RABGAP1: variants seen among roughly 807,000 people sequenced by gnomAD.
The protein encoded by RABGAP1 is rab GTPase-activating protein 1.
A neutral mutation model predicts 137.6 loss-of-function variants in RABGAP1; 23 were observed. The ratio of observed to expected loss-of-function variants is 0.17; its 90% CI spans 0.12 to 0.24. The LOEUF (loss-of-function observed/expected upper bound fraction) is 0.24. Ranked by LOEUF, RABGAP1 falls within the 10% of genes least tolerant of loss-of-function variation. The pLI is 1.00. For synonymous variants in RABGAP1, 451 were observed against 450.7 expected, an observed-to-expected ratio of 1.00 and a Z score of -0.01; for missense variants, 906 against 1,275.8, an observed-to-expected ratio of 0.71 and a Z score of 4.42.
Position 123,103,079 on chromosome 9 carries a change from T to C in RABGAP1, c.3088-12T>C, listed in dbSNP as rs1338667354. ...AAGCCCAGCATCCTCATGCACACTG[T>C]TCCTCTTGCAGGACTTGGAACACCA... On this transcript the variant is annotated splice_polypyrimidine_tract_variant and intron_variant, in intron 25 of 25. Transcript: ENST00000373647. 1 of 1,612,984 alleles carries C rather than the reference T, an allele frequency of 6.2e-7. No homozygotes were observed. Among genetic ancestry groups the C allele is most frequent in the Non-Finnish European group, 8.5e-7 (1 of 1,179,498 alleles).
intron 10 of RABGAP1, among the ~76,000 whole-genome samples, chr9:123,010,050 TTGGATAC>T (rs2030658976): frequency 6.6e-6 from 1 of 152,226 alleles, no homozygotes; most frequent in African/African-American, 2.4e-5. Flanking sequence ...ACATTGGTAG[TTGGATAC>T]TTGACAATAT....
intron 10 of RABGAP1, among the ~76,000 whole-genome samples, chr9:123,000,028 T>C (rs1405035560): frequency 2.7e-4 from 41 of 152,152 alleles, no homozygotes; most frequent in Non-Finnish European, 2.8e-4. Context: ...TAATCTCTGT[T>C]GTCTCTTGAT....
chr9:122,999,912 T>C (rs760105149), intron 10 of RABGAP1, among the ~76,000 whole-genome samples: 1 of 152,020 alleles, frequency 6.6e-6, no homozygotes, highest in Non-Finnish European at 1.5e-5. Context: ...AATATGTCTT[T>C]AAGTTCACTG....
At chr9:122,980,225 G>A (rs187947069) in intron 2 of RABGAP1, among the ~76,000 whole-genome samples, 111 of 152,302 alleles carry the variant, frequency 7.3e-4, no homozygotes, top group African/African-American at 2.5e-3. Flanking sequence ...TACAGAAAAT[G>A]TTTCTTAACT....
chr9:122,968,457 A>G (rs1835292109), intron 2 of RABGAP1, among the ~76,000 whole-genome samples: 1 of 152,102 alleles, frequency 6.6e-6, no homozygotes. Context: ...TCGTGGCCTC[A>G]AGTAATCTGC....
At chr9:122,950,465 C>T (rs147863172) in intron 1 of RABGAP1, among the ~76,000 whole-genome samples, 226 of 140,786 alleles carry the variant, frequency 1.6e-3, no homozygotes, top group Middle Eastern at 8.1e-3. Context: ...TCTGCTGACG[C>T]GTGGGGATTA....
the RABGAP1 span, among the ~76,000 whole-genome samples, chr9:122,935,413 C>T: frequency 1.3e-5 from 2 of 152,144 alleles, no homozygotes; most frequent in African/African-American, 4.8e-5. Flanking sequence ...TCTCAGCTCA[C>T]TGCAACCTCT....
chr9:122,936,786 T>A (rs1833393850), upstream of RABGAP1, among the ~76,000 whole-genome samples: 1 of 152,054 alleles, frequency 6.6e-6, no homozygotes, highest in Admixed American at 6.5e-5. Flanking sequence ...CATTTATGAG[T>A]CAGATATTGA....
At chr9:122,977,078 G>C (rs965743199) in intron 2 of RABGAP1, among the ~76,000 whole-genome samples, 1 of 152,208 alleles carries the variant, frequency 6.6e-6, no homozygotes, top group Non-Finnish European at 1.5e-5. Flanking sequence ...ATGAATTTGG[G>C]CTTTATCTTG....
chr9:123,001,119 A>G (rs1236086678), intron 10 of RABGAP1, among the ~76,000 whole-genome samples: 4 of 152,136 alleles, frequency 2.6e-5, no homozygotes, highest in Non-Finnish European at 5.9e-5. Context: ...AAGTGCTGGG[A>G]TTACAGGTGG....
In RABGAP1 at chr9:123,088,971, T is replaced by C. The variant is rs1271182920; in HGVS notation, c.2425-787T>C. Among the ~76,000 whole-genome samples, 4 of 151,928 alleles carry C rather than the reference T, an allele frequency of 2.6e-5. No homozygotes were observed. The East Asian group carries it at 7.7e-4, about 29-fold the overall frequency. ...CCTTCAAGAGGGTTCTTTCATAGAG[T>C]AGTCAGAGCAGAGGCCTGACTTACA... On this transcript the variant is annotated intron_variant, in intron 19 of 25. Transcript: ENST00000373647.
At chr9:123,005,513 T>C (rs2030165733) in intron 10 of RABGAP1, among the ~76,000 whole-genome samples, 1 of 152,248 alleles carries the variant, frequency 6.6e-6, no homozygotes, top group Admixed American at 6.5e-5. Flanking sequence ...GCATACTCCA[T>C]ATGTCTTATC....
chr9:122,969,334 G>T (rs1835347685), intron 2 of RABGAP1, among the ~76,000 whole-genome samples: 1 of 152,198 alleles, frequency 6.6e-6, no homozygotes, highest in African/African-American at 2.4e-5. Flanking sequence ...CTGCCCAACA[G>T]GCATTTCTCA....
intron 2 of RABGAP1, among the ~76,000 whole-genome samples, chr9:122,967,489 C>T (rs1835223527): frequency 1.3e-5 from 2 of 152,068 alleles, no homozygotes; most frequent in South Asian, 4.1e-4. Flanking sequence ...AAAAGAGTCT[C>T]CTGTGCGTAA....
chr9:122,959,417 C>G (rs1588170035), intron 2 of RABGAP1, among the ~76,000 whole-genome samples: 1 of 146,514 alleles, frequency 6.8e-6, no homozygotes, highest in Non-Finnish European at 1.5e-5. Flanking sequence ...TGAATGGGAT[C>G]ATGATCTAAT....
rs372639191 is a variant in RABGAP1, at chr9:123,023,771, G to GTA, written c.1794+3323_1794+3324dup. 3.0e-3 allele frequency among the ~76,000 whole-genome samples: 453 copies of GTA among 151,710 alleles called. 1 individual carries two copies. Among genetic ancestry groups the GTA allele is most frequent in the African/African-American group, 9.3e-3 (385 of 41,400 alleles). On this transcript the variant is annotated intron_variant, in intron 13 of 25. Transcript: ENST00000373647. ...TTATACTTATTTAGACAATATTTGT[G>GTA]TATATATATATACACACCACTAATT... is the stretch of plus-strand genomic sequence containing the variant.
At chr9:123,034,986 G>C (rs774833273) in intron 13 of RABGAP1, 1 of 1,613,702 alleles carries the variant, frequency 6.2e-7, no homozygotes. Flanking sequence ...ATAATACTCT[G>C]GTTACACCCT....
At position 123,026,089 on chromosome 9, in the gene RABGAP1, C is replaced by T. The variant is rs550463042; in HGVS notation, c.1794+5630C>T. On this transcript the variant is annotated intron_variant, in intron 13 of 25. Coordinates refer to ENST00000373647, the MANE Select transcript of RABGAP1 (RefSeq NM_012197.4). ...CTGTAATCCCAGCACTTTCGAAGAC[C>T]GAGGCTGGTGGATTACCTGAGGTCA... Among the ~76,000 whole-genome samples, 24 of 150,858 alleles carry T rather than the reference C, an allele frequency of 1.6e-4. No individual in the cohort carries two copies. The South Asian group carries it at 3.6e-3, about 22-fold the overall frequency.
intron 21 of RABGAP1, among the ~76,000 whole-genome samples, chr9:123,091,472 A>T (rs1327796001): frequency 1.3e-5 from 2 of 152,184 alleles, no homozygotes; most frequent in East Asian, 3.9e-4. Context: ...AGACCACAGT[A>T]TCTACCCATT....
Sources: allele counts gnomAD v4.1 joint callset (sites outside exome capture counted in the v4.1 genomes callset), GRCh38; gene constraint gnomAD v4.1.1; transcripts MANE v1.5; gene names NCBI Gene and HGNC (gene_info 2026-07-23, HGNC 2026-07-21).